The following DGKH variants were observed in gnomAD, a reference collection of about 807,000 sequenced individuals.
The protein encoded by DGKH is diacylglycerol kinase eta.
Under a neutral mutation model 159.3 loss-of-function variants are expected in DGKH, and 90 were observed. That is an observed-to-expected ratio of 0.57 (90% confidence interval 0.48 to 0.67). The LOEUF (loss-of-function observed/expected upper bound fraction) is 0.67, where lower values mean the gene tolerates loss of function less well. DGKH is among the 30% of genes least tolerant of loss of function. The pLI is 0.00. For missense variants in DGKH, 1,181 were observed against 1,506.1 expected, an observed-to-expected ratio of 0.78 and a Z score of 3.57; for synonymous variants, 536 against 553.8, an observed-to-expected ratio of 0.97 and a Z score of 0.45.
intron 3 of DGKH, among the ~76,000 whole-genome samples, chr13:42,135,396 G>A (rs550754777): frequency 6.6e-6 from 1 of 150,534 alleles, no homozygotes; most frequent in East Asian, 2.0e-4. Context: ...CTACTCAGGA[G>A]GCTGAGGTGG....
chr13:42,059,497 A>G (rs1381992261), intron 1 of DGKH, among the ~76,000 whole-genome samples: 1 of 152,110 alleles, frequency 6.6e-6, no homozygotes, highest in Admixed American at 6.6e-5. Flanking sequence ...TGGTCTGCCC[A>G]CGTTGGCCTC....
At chr13:42,087,213 G>A (rs549716728) in intron 1 of DGKH, among the ~76,000 whole-genome samples, 2 of 152,260 alleles carry the variant, frequency 1.3e-5, no homozygotes, top group South Asian at 4.2e-4. Context: ...GAAGGGCCTT[G>A]CCTCAGTAAT....
chr13:42,225,627 G>T (rs1958104073), intron 29 of DGKH, among the ~76,000 whole-genome samples: 1 of 151,994 alleles, frequency 6.6e-6, no homozygotes, highest in Non-Finnish European at 1.5e-5. Context: ...ACAAAAATTA[G>T]CTGGGCATGG....
intron 21 of DGKH, among the ~76,000 whole-genome samples, chr13:42,207,006 TC>T (rs1395545541): frequency 2.8e-5 from 4 of 142,968 alleles, no homozygotes; most frequent in African/African-American, 5.3e-5. Context: ...TTTCTTTCTT[TC>T]TTTCTTTCTT....
chr13:42,107,090 G>A (rs1954775032), intron 1 of DGKH, among the ~76,000 whole-genome samples: 1 of 152,238 alleles, frequency 6.6e-6, no homozygotes, highest in Non-Finnish European at 1.5e-5. Flanking sequence ...ACTCCTGTGT[G>A]AATCTATTGC....
chr13:42,057,936 C>T (rs1359144473), intron 1 of DGKH, among the ~76,000 whole-genome samples: 2 of 151,352 alleles, frequency 1.3e-5, no homozygotes, highest in Non-Finnish European at 2.9e-5. Context: ...AGAGGGAGGT[C>T]AGTGGGGCTG....
In DGKH at chr13:42,187,111, T is replaced by G. The variant is rs749584570; in HGVS notation, c.1601T>G (p.Leu534Trp). The G allele has an allele frequency of 6.2e-7, 1 of 1,614,080 alleles. No individual in the cohort carries two copies. The highest frequency in any genetic ancestry group is 1.1e-5 in the South Asian group (1 of 91,080). The change falls in exon 14 of 30, where the codon TTG (leucine) becomes TGG (tryptophan). Residue 534 changes from leucine (L) to tryptophan (W), a missense_variant. Leu to Trp is a moderately conservative substitution (Grantham distance 61). This residue lies in a region of DGKH where 257 missense variants were observed against 281.5 expected (regional missense o/e 0.91). Transcript: ENST00000337343. ...AKVEKTYDKT[L>W]ENAVVADAVA... ...GTAGAAAAGACGTATGACAAAACCT[T>G]GGAAAATGCCGTTGTAGCTGATGCC... is the stretch of plus-strand genomic sequence containing the variant.
Position 42,250,096 on chromosome 13 carries a change from G to A in DGKH, n.4055-2313G>A, listed in dbSNP as rs531959114. Among the ~76,000 whole-genome samples, 98 of 151,488 alleles carry A rather than the reference G, an allele frequency of 6.5e-4. 1 individual carries two copies. The East Asian group carries it at 0.01, about 16-fold the overall frequency. On this transcript the variant is annotated intron_variant and non_coding_transcript_variant, in intron 29 of 30. Transcript: ENST00000498255. ...AGCGATTCTCCTGCCTCAGCCTCCC[G>A]AGTAGCTGGGACTACAGGCACATGC...
rs993346904 is a variant in DGKH at position 42,234,946 on chromosome 13, A to G, written c.*5758A>G. The G allele has an allele frequency of 4.6e-5, 7 of 152,208 alleles. No homozygotes were observed. The highest frequency in any genetic ancestry group is 1.7e-4 in the African/African-American group (7 of 41,440). The allele number at this position is 152,208 out of a possible 1,614,324, so 9.4% of individuals were successfully genotyped here. ...GATTATTGGTTTTTATAATACACAA[A>G]GCATTAATTTTTTCTTATCTTATTT... On this transcript the variant is annotated 3_prime_UTR_variant, in exon 30 of 30. Transcript: ENST00000337343.
intron 1 of DGKH, among the ~76,000 whole-genome samples, chr13:42,083,741 C>A (rs1954254006): frequency 6.6e-6 from 1 of 152,068 alleles, no homozygotes; most frequent in Non-Finnish European, 1.5e-5. Context: ...GCTACTAGGA[C>A]AGACAACTTA....
intron 1 of DGKH, among the ~76,000 whole-genome samples, chr13:42,100,053 G>T (rs1292109849): frequency 6.6e-6 from 1 of 152,204 alleles, no homozygotes; most frequent in Non-Finnish European, 1.5e-5. Flanking sequence ...TGAGGAACCA[G>T]GCCACACAGT....
chr13:42,059,949 A>C (rs150580962), intron 1 of DGKH, among the ~76,000 whole-genome samples: 1 of 146,678 alleles, frequency 6.8e-6, no homozygotes, highest in East Asian at 2.0e-4. Context: ...TCTGTCATTC[A>C]GGCTGGAGTA....
chr13:42,059,905 CTTTTTT>C (rs11357293), intron 1 of DGKH, among the ~76,000 whole-genome samples: 3 of 139,818 alleles, frequency 2.1e-5, no homozygotes, highest in Non-Finnish European at 3.1e-5. Flanking sequence ...TCTCTTTTTT[CTTTTTT>C]TTTTTTTTTA....
Position 42,241,885 on chromosome 13 carries a change from AATAGG to A in DGKH, c.*12698_*12702del, listed in dbSNP as rs1473486278. The stretch of plus-strand genomic sequence containing the variant: ...TCTAGATATTTATGGATGGTTAGGC[AATAGG>A]GTTCCTTCATGAGAAGGAAAAAACT... On this transcript the variant is annotated 3_prime_UTR_variant, in exon 30 of 30. Transcript: ENST00000337343. The A allele has an allele frequency of 6.6e-6, 1 of 152,244 alleles. No homozygotes were observed. The highest frequency in any genetic ancestry group is 1.5e-5 in the Non-Finnish European group (1 of 68,028). 9.4% of individuals were successfully genotyped at this position (152,244 alleles called of 1,614,324 possible).
upstream of DGKH, among the ~76,000 whole-genome samples, chr13:42,048,188 A>G (rs1351902958): frequency 6.6e-6 from 1 of 152,036 alleles, no homozygotes. The surrounding 1 kb of genome is among the most constrained non-coding windows in gnomAD (Gnocchi z 6.7). Context: ...ACTTTTATTC[A>G]GCTGGAACCG....
intron 2 of DGKH, 78 bp from the exon 3 acceptor site, chr13:42,129,474 C>A: frequency 8.4e-7 from 1 of 1,196,428 alleles, no homozygotes. Flanking sequence ...TTCCTAATTC[C>A]TGTATTGAAA....
intron 20 of DGKH, among the ~76,000 whole-genome samples, chr13:42,203,288 T>G (rs151032592): frequency 1.0e-3 from 159 of 152,344 alleles, no homozygotes; most frequent in African/African-American, 3.6e-3. Flanking sequence ...GTAAAGGCAT[T>G]GCTTAAGTTC....
Position 42,166,487 on chromosome 13 carries a change from T to C in DGKH, c.959-28T>C, listed in dbSNP as rs759110330. The C allele has an allele frequency of 6.1e-6, 9 of 1,470,094 alleles. No homozygotes were observed. In the South Asian group the frequency reaches 1.2e-4, roughly 20 times the overall value. 91.1% of individuals were successfully genotyped at this position (1,470,094 alleles called of 1,614,324 possible). A position where few individuals can be genotyped will look rare whatever the true frequency, so the allele number is the denominator to read the frequency against. ...AATTTAAAAGAGAAAGCTGTATGTATTGATCTTGTGTTGTGTTTTTTTCAC... is the reference window on the plus strand; with the variant it reads ...AATTTAAAAGAGAAAGCTGTATGTACTGATCTTGTGTTGTGTTTTTTTCAC... On this transcript the variant is annotated intron_variant, in intron 8 of 29. Coordinates refer to ENST00000337343, the MANE Select transcript of DGKH (RefSeq NM_178009.5).
intron 1 of DGKH, among the ~76,000 whole-genome samples, chr13:42,073,003 C>G (rs4942089): frequency 0.25 from 37,566 of 152,126 alleles, 5,194 homozygotes; most frequent in Admixed American, 0.35. Flanking sequence ...GGATATTTGT[C>G]TATTTTTTTC....
Sources: allele counts gnomAD v4.1 joint callset (sites outside exome capture counted in the v4.1 genomes callset), GRCh38; gene constraint gnomAD v4.1.1; regional missense constraint gnomAD v4.1.1; non-coding constraint Gnocchi (gnomAD v3.1); transcripts MANE v1.5; gene names NCBI Gene and HGNC (gene_info 2026-07-23, HGNC 2026-07-21).